Variants in MAP7 observed in about 807,000 individuals in gnomAD.
MAP7 encodes the protein microtubule associated protein 7.
A neutral mutation model predicts 94.8 loss-of-function variants in MAP7; 52 were observed. That is an observed-to-expected ratio of 0.55 (90% CI 0.44 to 0.69). The LOEUF (loss-of-function observed/expected upper bound fraction) is 0.69. Ranked by LOEUF, MAP7 falls within the 30% of genes least tolerant of loss-of-function variation. MAP7 has a pLI of 0.00. For synonymous variants in MAP7, 350 were observed against 357.0 expected (o/e 0.98, Z 0.22); for missense variants, 940 against 964.6 (o/e 0.97, Z 0.34).
At chr6:136,345,378 A>G (rs747077997) in intron 17 of MAP7, among the ~76,000 whole-genome samples, 30 of 152,208 alleles carry the variant, frequency 2.0e-4, no homozygotes, top group Middle Eastern at 3.2e-3. Flanking sequence ...ATAATTTATT[A>G]CCCAGGTTGC....
chr6:136,393,867 C>A (rs998909434), intron 3 of MAP7, among the ~76,000 whole-genome samples: 13 of 145,108 alleles, frequency 9.0e-5, no homozygotes, highest in Non-Finnish European at 1.3e-4. Context: ...TCTCAAACTC[C>A]TAGCTTCAAG....
Position 136,366,421 on chromosome 6 carries a change from CTCTT to C in MAP7, c.891_894del (p.Arg300LysfsTer98). 4 of 1,613,162 alleles carry C rather than the reference CTCTT, an allele frequency of 2.5e-6. No individual in the cohort carries two copies. The highest frequency in any genetic ancestry group is 3.4e-6 in the Non-Finnish European group (4 of 1,179,150). On this transcript the variant is annotated frameshift_variant, in exon 9 of 18. Coordinates refer to ENST00000354570, the MANE Select transcript of MAP7 (RefSeq NM_003980.6). LOFTEE classifies it high-confidence loss of function. ...GTGAGGAAGAGTACATTTTCTCTCTCTCTTTCTTTTTTATAGCTCTAAGTTCAGA... is the reference window on the plus strand; with the variant it reads ...GTGAGGAAGAGTACATTTTCTCTCTCTCTTTTTTATAGCTCTAAGTTCAGA...
chr6:136,454,767 C>T (rs776027999), intron 1 of MAP7, among the ~76,000 whole-genome samples: 2 of 152,050 alleles, frequency 1.3e-5, no homozygotes, highest in African/African-American at 2.4e-5. Context: ...GGTGAGGTGA[C>T]CCTCACCTGT....
chr6:136,473,891 G>A (rs774186544), intron 1 of MAP7, among the ~76,000 whole-genome samples: 2 of 151,962 alleles, frequency 1.3e-5, no homozygotes, highest in East Asian at 3.9e-4. Context: ...TCTTCAAGAC[G>A]CTTACATCCA....
intron 16 of MAP7, among the ~76,000 whole-genome samples, chr6:136,353,091 T>C (rs956169202): frequency 6.6e-6 from 1 of 152,232 alleles, no homozygotes; most frequent in Non-Finnish European, 1.5e-5. Flanking sequence ...CATTCAGAAA[T>C]GCACTGTTTC....
At chr6:136,535,308 T>A (rs556147660) in intron 1 of MAP7, among the ~76,000 whole-genome samples, 2 of 152,290 alleles carry the variant, frequency 1.3e-5, no homozygotes, top group Admixed American at 6.5e-5. Flanking sequence ...ACAATGATTG[T>A]AGGCTTCCTG....
intron 1 of MAP7, among the ~76,000 whole-genome samples, chr6:136,432,940 A>G (rs967830144): frequency 6.6e-6 from 1 of 152,146 alleles, no homozygotes; most frequent in Non-Finnish European, 1.5e-5. Context: ...GGGTCTCACT[A>G]TGTTGCTCAG....
chr6:136,381,734 A>G lies in MAP7; in HGVS notation c.637+1937T>C, dbSNP rs539612589. Among the ~76,000 whole-genome samples the G allele has an allele frequency of 1.3e-4, 19 of 151,846 alleles. No individual in the cohort carries two copies. The South Asian group carries it at 4.0e-3, about 32-fold the overall frequency. Reference sequence around the variant, plus strand: ...CTAGCGTTCTCCCTCTTGTCCTATTATTTCTGCTTAGTATTCTATTTTCTG... The same window carrying G: ...CTAGCGTTCTCCCTCTTGTCCTATTGTTTCTGCTTAGTATTCTATTTTCTG... On this transcript the variant is annotated intron_variant, in intron 6 of 17. Coordinates refer to ENST00000354570, the MANE Select transcript of MAP7 (RefSeq NM_003980.6).
At chr6:136,404,508 T>C (rs1159035954) in intron 3 of MAP7, among the ~76,000 whole-genome samples, 1 of 152,204 alleles carries the variant, frequency 6.6e-6, no homozygotes, top group Non-Finnish European at 1.5e-5. Context: ...ATATCTTAGC[T>C]TTGAACTTAG....
chr6:136,354,589 G>A (rs1051381505), intron 16 of MAP7, among the ~76,000 whole-genome samples: 2 of 151,286 alleles, frequency 1.3e-5, no homozygotes, highest in African/African-American at 4.9e-5. Context: ...TGCTCATCTG[G>A]ACCTGCCTGT....
At chr6:136,448,965 T>A (rs890009943) in intron 1 of MAP7, among the ~76,000 whole-genome samples, 1 of 141,380 alleles carries the variant, frequency 7.1e-6, no homozygotes, top group East Asian at 2.0e-4. Flanking sequence ...CATGCCTACA[T>A]ACAATGTTCC....
chr6:136,395,021 A>G (rs1333501109), intron 3 of MAP7, among the ~76,000 whole-genome samples: 2 of 136,658 alleles, frequency 1.5e-5, no homozygotes, highest in Non-Finnish European at 3.1e-5. Flanking sequence ...GGTTACTTCT[A>G]TATCTTGGCT....
At chr6:136,468,432 T>C (rs950678849) in intron 1 of MAP7, among the ~76,000 whole-genome samples, 1 of 152,172 alleles carries the variant, frequency 6.6e-6, no homozygotes, top group South Asian at 2.1e-4. Flanking sequence ...TGGCAGACTC[T>C]TCATCCCGAT....
intron 15 of MAP7, 100 bp downstream of exon 15, chr6:136,359,720 G>T: frequency 8.9e-7 from 1 of 1,127,026 alleles, no homozygotes; most frequent in South Asian, 1.4e-5. Flanking sequence ...GTAAGCACTG[G>T]ATCTTTTTTC....
intron 10 of MAP7, among the ~76,000 whole-genome samples, chr6:136,363,540 ACTC>A (rs1484279109): frequency 1.3e-5 from 2 of 151,010 alleles, no homozygotes; most frequent in Non-Finnish European, 3.0e-5. Flanking sequence ...CAAATACTGG[ACTC>A]CTCCTTTTTC....
chr6:136,391,993 C>G (rs1328546466), intron 3 of MAP7, among the ~76,000 whole-genome samples: 1 of 152,218 alleles, frequency 6.6e-6, no homozygotes, highest in Admixed American at 6.5e-5. Flanking sequence ...AACTGTCTTC[C>G]TCTAACCTGA....
chr6:136,364,981 C>A (rs943565714), intron 10 of MAP7: 3 of 152,244 alleles, frequency 2.0e-5, no homozygotes, highest in African/African-American at 7.2e-5. Flanking sequence ...CATTATGCAG[C>A]AATAGATAAT....
At chr6:136,423,529 C>T (rs750611333) in intron 1 of MAP7, among the ~76,000 whole-genome samples, 2 of 151,940 alleles carry the variant, frequency 1.3e-5, no homozygotes, top group Admixed American at 6.6e-5. Context: ...CTGGGTCAGC[C>T]GCTGTTTCCA....
intron 3 of MAP7, among the ~76,000 whole-genome samples, chr6:136,403,889 C>G (rs1329288038): frequency 6.6e-6 from 1 of 152,224 alleles, no homozygotes; most frequent in East Asian, 1.9e-4. Flanking sequence ...ATTTAGGTCC[C>G]TCAGCTGTTA....
Sources: allele counts gnomAD v4.1 joint callset (sites outside exome capture counted in the v4.1 genomes callset), GRCh38; gene constraint gnomAD v4.1.1; transcripts MANE v1.5; gene names NCBI Gene and HGNC (gene_info 2026-07-23, HGNC 2026-07-21).